PTPRD: variants seen among roughly 807,000 people sequenced by gnomAD.
PTPRD encodes the protein receptor-type tyrosine-protein phosphatase delta.
Under a neutral mutation model 214.5 loss-of-function variants are expected in PTPRD, and 34 were observed. The observed-to-expected ratio is 0.16, with a 90% confidence interval of 0.12 to 0.21. The LOEUF is 0.21. Ranked by LOEUF, PTPRD falls within the 10% of genes least tolerant of loss-of-function variation. The probability of loss-of-function intolerance (pLI) is 1.00; values close to 1 mark genes in which losing one functional copy is unlikely to be tolerated. For missense variants in PTPRD, 2,545 were observed against 2,398.7 expected (o/e 1.06, Z -1.27); for synonymous variants, 1,128 against 845.7 (o/e 1.33, Z -5.79).
chr9:9,022,429 T>G (rs1156690990), intron 10 of PTPRD, among the ~76,000 whole-genome samples: 1 of 152,132 alleles, frequency 6.6e-6, no homozygotes, highest in Non-Finnish European at 1.5e-5. Context: ...TTGTACCTTT[T>G]CCTTGTTTAG....
At chr9:8,442,915 A>T (rs1019877950) in intron 34 of PTPRD, among the ~76,000 whole-genome samples, 13 of 152,316 alleles carry the variant, frequency 8.5e-5, no homozygotes, top group Admixed American at 8.5e-4. Context: ...AAAATTCAAA[A>T]TTTTTACTTC....
chr9:8,677,383 G>C (rs1399618978), intron 12 of PTPRD, among the ~76,000 whole-genome samples: 1 of 152,168 alleles, frequency 6.6e-6, no homozygotes, highest in African/African-American at 2.4e-5. Flanking sequence ...CACAGATGGA[G>C]TGGGAGGCCA....
intron 3 of PTPRD, among the ~76,000 whole-genome samples, chr9:10,337,182 G>A (rs780276085): frequency 5.9e-5 from 9 of 151,600 alleles, no homozygotes; most frequent in African/African-American, 1.5e-4. Flanking sequence ...GGAAAATATT[G>A]TATTAAATTA....
At chr9:10,378,294 G>A (rs1458025928) in intron 2 of PTPRD, among the ~76,000 whole-genome samples, 1 of 151,882 alleles carries the variant, frequency 6.6e-6, no homozygotes, top group Admixed American at 6.6e-5. Flanking sequence ...GGTCTCCTCG[G>A]CTGCACAGAA....
intron 12 of PTPRD, among the ~76,000 whole-genome samples, chr9:8,671,733 A>C (rs1267054632): frequency 1.3e-5 from 2 of 152,192 alleles, no homozygotes; most frequent in Non-Finnish European, 2.9e-5. Context: ...TATTGCTTGA[A>C]GAGACTGCTG....
chr9:8,613,432 T>G (rs942430706), intron 14 of PTPRD, among the ~76,000 whole-genome samples: 6 of 152,172 alleles, frequency 3.9e-5, no homozygotes, highest in African/African-American at 1.2e-4. Flanking sequence ...CTAGAAATAC[T>G]TGAGAGACTA....
At chr9:10,045,379 T>C (rs2097369519) in intron 3 of PTPRD, among the ~76,000 whole-genome samples, 1 of 151,694 alleles carries the variant, frequency 6.6e-6, no homozygotes, top group African/African-American at 2.4e-5. Context: ...ACAAGCAAAT[T>C]AGCATCTGTA....
intron 2 of PTPRD, among the ~76,000 whole-genome samples, chr9:10,345,815 T>C (rs1172184218): frequency 6.6e-6 from 1 of 152,218 alleles, no homozygotes; most frequent in Non-Finnish European, 1.5e-5. Flanking sequence ...GTATTTCTGG[T>C]TCTGGATCCT....
In PTPRD at chr9:9,448,803, C is replaced by T. The variant is rs180718561; in HGVS notation, c.-236-51321G>A. Among the ~76,000 whole-genome samples, 377 of 152,142 alleles carry T rather than the reference C, an allele frequency of 2.5e-3. 2 individuals are homozygous for T. Among genetic ancestry groups the T allele is most frequent in the Non-Finnish European group, 4.1e-3 (278 of 67,972 alleles). On this transcript the variant is annotated intron_variant, in intron 8 of 45. Transcript: ENST00000381196. ...CTGTTTTCAGCAGGGGGATTAAACA[C>T]ACACATGCACACACACTGTGGTATA...
At chr9:9,471,452 T>C (rs539218364) in intron 8 of PTPRD, among the ~76,000 whole-genome samples, 6 of 152,150 alleles carry the variant, frequency 3.9e-5, no homozygotes, top group African/African-American at 1.4e-4. Context: ...AATCAAATTG[T>C]TGACATTTTA....
At chr9:10,303,477 G>GT (rs1234089083) in intron 3 of PTPRD, among the ~76,000 whole-genome samples, 2 of 151,950 alleles carry the variant, frequency 1.3e-5, no homozygotes, top group Non-Finnish European at 2.9e-5. Context: ...TCCAGGAGCT[G>GT]TTTTTTATAA....
At chr9:8,796,281 T>G (rs1477795499) in intron 11 of PTPRD, among the ~76,000 whole-genome samples, 1 of 152,196 alleles carries the variant, frequency 6.6e-6, no homozygotes, top group African/African-American at 2.4e-5. Flanking sequence ...TATTTCAAAT[T>G]TCCTTGGGGG....
intron 3 of PTPRD, among the ~76,000 whole-genome samples, chr9:10,290,631 A>T (rs575248869): frequency 6.6e-6 from 1 of 152,126 alleles, no homozygotes; most frequent in Admixed American, 6.6e-5. Context: ...TTTTCCTTAC[A>T]TTATTTTTAT....
At chr9:8,758,800 C>A (rs2094201600) in intron 11 of PTPRD, among the ~76,000 whole-genome samples, 1 of 151,712 alleles carries the variant, frequency 6.6e-6, no homozygotes, top group African/African-American at 2.4e-5. Flanking sequence ...CTCTGTCACC[C>A]AGGCTAGAGT....
At chr9:9,238,069 C>T (rs1330911541) in intron 9 of PTPRD, among the ~76,000 whole-genome samples, 2 of 152,080 alleles carry the variant, frequency 1.3e-5, no homozygotes, top group East Asian at 3.9e-4. Context: ...TAGGAAGCAT[C>T]AGCGTTCTGG....
Position 10,588,108 on chromosome 9 carries a change from CCAGG to C in PTPRD, c.-600+24286_-600+24289del, listed in dbSNP as rs575870717. ...GAAAGGGAATAAGATGACTGATTTACCAGGCAGACAAATAGGAGTCCCATAATAA... is the reference window on the plus strand; with the variant it reads ...GAAAGGGAATAAGATGACTGATTTACCAGACAAATAGGAGTCCCATAATAA... On this transcript the variant is annotated intron_variant, in intron 2 of 45. Coordinates refer to ENST00000381196, the MANE Select transcript of PTPRD (RefSeq NM_002839.4). 3.9e-5 allele frequency among the ~76,000 whole-genome samples: 6 copies of C among 152,078 alleles called. No individual in the cohort carries two copies. In the South Asian group the frequency reaches 1.2e-3, roughly 32 times the overall value.
intron 9 of PTPRD, among the ~76,000 whole-genome samples, chr9:9,372,773 G>T (rs1015516106): frequency 6.6e-6 from 1 of 152,062 alleles, no homozygotes; most frequent in Admixed American, 6.6e-5. Context: ...TCCATGTTTA[G>T]TGCTTCCTTC....
intron 3 of PTPRD, among the ~76,000 whole-genome samples, chr9:10,215,877 T>C (rs1240163810): frequency 6.6e-6 from 1 of 151,922 alleles, no homozygotes; most frequent in Non-Finnish European, 1.5e-5. Context: ...TATGATGCTA[T>C]TTATAAGATT....
intron 33 of PTPRD, among the ~76,000 whole-genome samples, chr9:8,456,577 T>C (rs1369786730): frequency 6.6e-6 from 1 of 152,116 alleles, no homozygotes; most frequent in African/African-American, 2.4e-5. Context: ...TCTCAAAATA[T>C]TCTGGACTGC....
Sources: gnomAD v4.1 joint callset for allele counts (sites outside exome capture counted in the v4.1 genomes callset) on GRCh38, gnomAD v4.1.1 for gene constraint, MANE v1.5 for transcripts, NCBI Gene and HGNC (gene_info 2026-07-23, HGNC 2026-07-21) for gene names.